Variants in ARSH observed in about 807,000 individuals in gnomAD.
ARSH encodes the protein arylsulfatase family member H.
Under a neutral mutation model 28.7 loss-of-function variants are expected in ARSH, and 32 were observed. That is an observed-to-expected ratio of 1.11 (90% CI 0.84 to 1.50). The LOEUF (loss-of-function observed/expected upper bound fraction) is 1.50, where lower values mean the gene tolerates loss of function less well. Among genes scored for constraint, ARSH ranks in the 40% most tolerant of loss-of-function variants. ARSH has a pLI of 0.00. For missense variants in ARSH, 440 were observed against 452.4 expected, an observed-to-expected ratio of 0.97 and a Z score of 0.25; for synonymous variants, 176 against 177.3, an observed-to-expected ratio of 0.99 and a Z score of 0.06.
chrX:3,009,239 G>A (rs1301513291), intron 1 of ARSH, among the ~76,000 whole-genome samples: 1 of 110,474 alleles, frequency 9.1e-6, no homozygotes, highest in Non-Finnish European at 1.9e-5. Context: ...CAGTTTGGGA[G>A]GCTGGGGAAA....
chrX:3,024,051 G>A lies in ARSH; in HGVS notation c.932G>A (p.Arg311His), dbSNP rs757726624. 4.4e-5 allele frequency: 53 copies of A among 1,206,490 alleles called. No individual in the cohort carries two copies. The highest frequency in any genetic ancestry group is 2.3e-4 in the African/African-American group (13 of 56,596). Residue 311 changes from arginine (R) to histidine (H), a missense_variant, in exon 6 of 9, where the codon CGC (arginine) becomes CAC (histidine). Transcript: ENST00000381130. The part of the protein sequence containing the change: ...GKILDALDQE[R>H]LANHTLVYFT... ...ATCCTGGATGCCCTGGACCAGGAGC[G>A]CCTGGCCAACCACACCTTGGTGTAC...
intron 3 of ARSH, among the ~76,000 whole-genome samples, chrX:3,013,760 T>G (rs1360984713): frequency 9.0e-6 from 1 of 111,102 alleles, no homozygotes; most frequent in Non-Finnish European, 1.9e-5. Context: ...TGAGGATTCC[T>G]AATGTGAATT....
rs747631868 is a variant in ARSH, at chrX:3,015,209, T to C, written c.580T>C (p.Trp194Arg). Residue 194 changes from tryptophan to arginine, a missense_variant, in exon 4 of 9, where the codon TGG (tryptophan) becomes CGG (arginine). By Grantham distance (101) the Trp-to-Arg change is moderately radical. Coordinates refer to ENST00000381130, the MANE Select transcript of ARSH (RefSeq NM_001011719.2). The stretch of plus-strand genomic sequence containing the variant: ...GTTCGCCCGCTGGTTCTCAGTGCCA[T>C]GGAAGGTCATCTTTGTCTTTGCTCT... ...PKFARWFSVP[W>R]KVIFVFALLA... is the part of the protein sequence containing the mutation. 8.3e-7 allele frequency: 1 copy of C among 1,210,933 alleles called. No homozygotes were observed. Among genetic ancestry groups the C allele is most frequent in the Middle Eastern group, 2.3e-4 (1 of 4,353 alleles).
At chrX:3,032,353 C>A (rs1031249528) in intron 8 of ARSH, among the ~76,000 whole-genome samples, 1 of 105,082 alleles carries the variant, frequency 9.5e-6, no homozygotes, top group Admixed American at 1.1e-4. Context: ...ATTTGGTAAC[C>A]ATTTCATATC....
In ARSH at chrX:3,013,798, G is replaced by GT. The variant is rs1338647930; in HGVS notation, c.340+628dup. On this transcript the variant is annotated intron_variant, in intron 3 of 8. Transcript: ENST00000381130. ...AAGCCACAGCTCCGAGATATCCCCA[G>GT]TTAAAAAAAAGGTTAAGAAATTTTC... Among the ~76,000 whole-genome samples, 11 of 110,930 alleles carry GT rather than the reference G, an allele frequency of 9.9e-5. No homozygotes were observed. The East Asian group carries it at 3.1e-3, about 31-fold the overall frequency.
At chrX:3,016,183 C>T (rs2089865916) in intron 4 of ARSH, among the ~76,000 whole-genome samples, 1 of 108,374 alleles carries the variant, frequency 9.2e-6, no homozygotes, top group South Asian at 4.1e-4. Flanking sequence ...CTAAATTTTG[C>T]ATTTTTTTTT....
chrX:3,009,975 C>CATTGT (rs1231615182), intron 1 of ARSH, 55 bp from the exon 2 acceptor site: 1 of 1,179,452 alleles, frequency 8.5e-7, no homozygotes, highest in Non-Finnish European at 1.1e-6. Flanking sequence ...GATCCTTGAT[C>CATTGT]ATTGTATTGA....
At chrX:3,013,298 C>T (rs1034179629) in intron 3 of ARSH, 126 bp downstream of exon 3, 1 of 782,871 alleles carries the variant, frequency 1.3e-6, no homozygotes, top group African/African-American at 2.1e-5. Flanking sequence ...TGAGATAAGA[C>T]ACTTGGAGAA....
Position 3,006,664 on chromosome X carries a change from G to A in ARSH, c.52G>A (p.Gly18Arg). The change falls in exon 1 of 9, where the codon GGA (glycine) becomes AGA (arginine). Residue 18 changes from glycine to arginine, a missense_variant. Coordinates refer to ENST00000381130, the MANE Select transcript of ARSH (RefSeq NM_001011719.2). ...NIVLLMADDL[G>R]VGDLCCYGNN... is the part of the protein sequence containing the mutation. Reference sequence around the variant, plus strand: ...TGTCCTGCTGATGGCAGATGACCTTGGAGTGGGGGATTTGTGCTGCTACGG... The same window carrying A: ...TGTCCTGCTGATGGCAGATGACCTTAGAGTGGGGGATTTGTGCTGCTACGG... 1 of 1,211,101 alleles carries A rather than the reference G, an allele frequency of 8.3e-7. No individual in the cohort carries two copies.
intron 5 of ARSH, among the ~76,000 whole-genome samples, chrX:3,019,560 G>C (rs2089875730): frequency 9.0e-6 from 1 of 111,013 alleles, no homozygotes; most frequent in African/African-American, 3.3e-5. Context: ...TGACAGAGTT[G>C]TCCTTCCTCT....
chrX:3,029,192 C>A (rs1442205239), intron 7 of ARSH, 55 bp from the exon 8 acceptor site: 1 of 1,125,986 alleles, frequency 8.9e-7, no homozygotes, highest in Non-Finnish European at 1.2e-6. Context: ...CTATAAAATG[C>A]GTGACTGAAC....
intron 6 of ARSH, among the ~76,000 whole-genome samples, chrX:3,026,759 C>T (rs1037472455): frequency 3.6e-5 from 4 of 112,449 alleles, no homozygotes; most frequent in African/African-American, 1.3e-4. Context: ...CTTTCTTCCT[C>T]TATATGGGAA....
In ARSH at chrX:3,029,928, C is replaced by T. The variant is rs372170876; in HGVS notation, c.1321+560C>T. 1.8e-3 allele frequency among the ~76,000 whole-genome samples: 203 copies of T among 111,304 alleles called. 1 individual carries two copies. In the South Asian group the frequency reaches 0.019, roughly 10 times the overall value. On this transcript the variant is annotated intron_variant, in intron 8 of 8. Coordinates refer to ENST00000381130, the MANE Select transcript of ARSH (RefSeq NM_001011719.2). ...AATATTTATAAAATAGAGACAAGAT[C>T]TTACTATGTGGCCCAGGCTGGTCTC...
intron 2 of ARSH, among the ~76,000 whole-genome samples, chrX:3,012,414 C>A (rs1411949195): frequency 1.0e-5 from 1 of 100,428 alleles, no homozygotes; most frequent in Non-Finnish European, 2.0e-5. Flanking sequence ...TGTGGTGGCA[C>A]ACATCTGTAA....
In ARSH at chrX:3,012,568, A is replaced by AAT. The variant is rs1183166715; in HGVS notation, c.215-449_215-448dup. 5.5e-3 allele frequency among the ~76,000 whole-genome samples: 121 copies of AAT among 21,803 alleles called. 1 individual carries two copies. The highest frequency in any genetic ancestry group is 6.8e-3 in the African/African-American group (27 of 3,998). The allele number at this position is 21,803 out of a possible 115,157, so 18.9% of individuals were successfully genotyped here. A position where few individuals can be genotyped will look rare whatever the true frequency, so the allele number is the denominator to read the frequency against. ...AAAAAAAAAAAAAAAAAAAAAAAAA[A>AAT]ATATATATATATATATATATATATA... On this transcript the variant is annotated intron_variant, in intron 2 of 8. Coordinates refer to ENST00000381130, the MANE Select transcript of ARSH (RefSeq NM_001011719.2).
chrX:3,033,322 C>A lies in ARSH; in HGVS notation c.1626C>A (p.Cys542Ter), dbSNP rs1353933124. ...TTTGGAAACCATGGCTGCAGCCTTG[C>A]TGTGGGACCTTCCCCTTCTGTGGGT... Reference protein sequence around the residue: ...NTIWKPWLQPCCGTFPFCGCD... With the variant: ...NTIWKPWLQP The change falls in exon 9 of 9, where the codon TGC (cysteine) becomes TGA (stop). Residue 542 changes from cysteine (C) to a stop codon, truncating the protein, a stop_gained. Coordinates refer to ENST00000381130, the MANE Select transcript of ARSH (RefSeq NM_001011719.2). LOFTEE classifies it high-confidence loss of function. 3.3e-6 allele frequency: 4 copies of A among 1,207,736 alleles called. No homozygotes were observed.
intron 1 of ARSH, among the ~76,000 whole-genome samples, chrX:3,009,296 G>A (rs1603463286): frequency 1.8e-5 from 2 of 110,131 alleles, no homozygotes; most frequent in Admixed American, 2.0e-4. Context: ...GGCCAACATG[G>A]TGACACCTCA....
intron 1 of ARSH, among the ~76,000 whole-genome samples, 196 bp downstream of exon 1, chrX:3,006,900 C>T (rs955655595): frequency 8.1e-5 from 9 of 110,976 alleles, no homozygotes; most frequent in African/African-American, 1.3e-4. Context: ...TAGATTCTAG[C>T]TGTTGGTGGT....
intron 6 of ARSH, among the ~76,000 whole-genome samples, chrX:3,026,588 T>A (rs2089899318): frequency 8.9e-6 from 1 of 111,960 alleles, no homozygotes; most frequent in South Asian, 3.7e-4. Context: ...GCATTTGGCA[T>A]AGGGCCATTT....
Sources: gnomAD v4.1 joint callset for allele counts (sites outside exome capture counted in the v4.1 genomes callset) on GRCh38, gnomAD v4.1.1 for gene constraint, MANE v1.5 for transcripts, NCBI Gene and HGNC (gene_info 2026-07-23, HGNC 2026-07-21) for gene names.